SHISA9: variants seen among roughly 807,000 people sequenced by gnomAD.
SHISA9 encodes the protein shisa family member 9, also known as protein shisa-9.
Under a neutral mutation model 38.0 loss-of-function variants are expected in SHISA9, and 13 were observed. The observed-to-expected ratio is 0.34, with a 90% CI of 0.22 to 0.54. The LOEUF (loss-of-function observed/expected upper bound fraction) is 0.54. Ranked by LOEUF, SHISA9 falls within the 20% of genes least tolerant of loss-of-function variation. The probability of loss-of-function intolerance (pLI) is 0.91; values close to 1 mark genes in which losing one functional copy is unlikely to be tolerated. For synonymous variants in SHISA9, 275 were observed against 242.0 expected, an observed-to-expected ratio of 1.14 and a Z score of -1.27; for missense variants, 538 against 575.8, an observed-to-expected ratio of 0.93 and a Z score of 0.67.
chr16:13,178,916 T>C (rs945256070), intron 2 of SHISA9, among the ~76,000 whole-genome samples: 11 of 152,288 alleles, frequency 7.2e-5, no homozygotes, highest in Middle Eastern at 3.4e-3. Context: ...TAGAAAAGCC[T>C]GATGTTAAAT....
chr16:13,077,956 A>G lies in SHISA9; in HGVS notation c.692-125438A>G, dbSNP rs117778244. On this transcript the variant is annotated intron_variant, in intron 2 of 4. Coordinates refer to ENST00000558583, the MANE Select transcript of SHISA9 (RefSeq NM_001145204.3). ...AATGATGAAAAAAATATGGCAAACA[A>G]GTAAAAAGAAGGCAAGGAGGACAAA... 6.1e-3 allele frequency among the ~76,000 whole-genome samples: 923 copies of G among 152,330 alleles called. 8 individuals carry two copies. Among genetic ancestry groups the G allele is most frequent in the Non-Finnish European group, 6.2e-3 (423 of 68,026 alleles).
chr16:13,367,684 ACACGCGTGTGCGTGCGCGCGCGCGCGCG>A, the SHISA9 span, among the ~76,000 whole-genome samples: 3 of 140,492 alleles, frequency 2.1e-5, no homozygotes, highest in African/African-American at 7.9e-5. Flanking sequence ...CCTGAAGTGT[ACACGCGTGTGCGTGCGCGCGCGCGCGCG>A]CACACACACA....
the SHISA9 span, among the ~76,000 whole-genome samples, chr16:13,344,216 T>G: frequency 6.6e-6 from 1 of 152,202 alleles, no homozygotes; most frequent in African/African-American, 2.4e-5. Flanking sequence ...AAAGCTTTTC[T>G]TACTCACTGA....
the SHISA9 span, among the ~76,000 whole-genome samples, chr16:13,378,375 T>C: frequency 3.3e-5 from 5 of 152,190 alleles, no homozygotes; most frequent in African/African-American, 9.6e-5. Context: ...TGACTGTACA[T>C]TCCAAGCAGC....
At position 13,203,465 on chromosome 16, in the gene SHISA9, C is replaced by G. The variant is rs2051026257; in HGVS notation, c.763C>G (p.Pro255Ala). 6.4e-7 allele frequency: 1 copy of G among 1,551,424 alleles called. No individual in the cohort carries two copies. The highest frequency in any genetic ancestry group is 8.7e-7 in the Non-Finnish European group (1 of 1,146,758). The stretch of plus-strand genomic sequence containing the variant: ...GCAGATGGGCCATCCACATTCGTAC[C>G]CGAACCTGGGCCAGATCTCCAACCC... ...LQQMGHPHSY[P>A]NLGQISNPYE... The change falls in exon 3 of 5, where the codon CCG becomes GCG. Residue 255 changes from proline to alanine, a missense_variant. Physicochemically the swap from Pro to Ala is conservative, Grantham distance 27. Around this residue, in one of 4 missense-constraint regions of SHISA9, gnomAD observed 326 missense variants for 305.9 expected, o/e 1.07. Transcript: ENST00000558583.
chr16:13,185,938 G>T (rs67027573), intron 2 of SHISA9, among the ~76,000 whole-genome samples: 21,623 of 152,136 alleles, frequency 0.14, 1,794 homozygotes, highest in African/African-American at 0.21. Context: ...AACGAGATAG[G>T]ATCTAACATT....
the SHISA9 span, among the ~76,000 whole-genome samples, chr16:13,426,754 C>G: frequency 2.6e-5 from 4 of 152,180 alleles, no homozygotes; most frequent in Non-Finnish European, 5.9e-5. Context: ...AATTGAATGG[C>G]TGTACATAAA....
At chr16:13,349,885 T>C in the SHISA9 span, among the ~76,000 whole-genome samples, 1 of 152,194 alleles carries the variant, frequency 6.6e-6, no homozygotes, top group Non-Finnish European at 1.5e-5. Context: ...CCAAGGTCTT[T>C]AGAAGATATG....
intron 2 of SHISA9, among the ~76,000 whole-genome samples, chr16:12,955,190 A>G (rs2141782009): frequency 6.6e-6 from 1 of 152,240 alleles, no homozygotes; most frequent in Middle Eastern, 3.4e-3. Context: ...GGCTCTAGAC[A>G]ATGGGCATGT....
the SHISA9 span, among the ~76,000 whole-genome samples, chr16:13,250,879 T>G: frequency 6.6e-6 from 1 of 152,114 alleles, no homozygotes; most frequent in Non-Finnish European, 1.5e-5. Context: ...CCACCATGAT[T>G]CAGATGCTCT....
the SHISA9 span, among the ~76,000 whole-genome samples, chr16:13,507,738 C>T: frequency 7.9e-5 from 12 of 152,130 alleles, no homozygotes; most frequent in African/African-American, 2.9e-4. Flanking sequence ...TGATTCAGGT[C>T]GGGCATGTCT....
At chr16:12,920,654 C>T (rs1281904610) in intron 2 of SHISA9, among the ~76,000 whole-genome samples, 1 of 152,142 alleles carries the variant, frequency 6.6e-6, no homozygotes, top group African/African-American at 2.4e-5. Context: ...CATAAAACAA[C>T]AACAACAACA....
the SHISA9 span, among the ~76,000 whole-genome samples, chr16:13,351,996 G>A: frequency 8.8e-3 from 1,345 of 152,270 alleles, 20 homozygotes; most frequent in African/African-American, 0.031. Context: ...GCTCCTGCCC[G>A]AATAGAATGG....
chr16:13,483,532 C>T, the SHISA9 span, among the ~76,000 whole-genome samples: 2 of 152,136 alleles, frequency 1.3e-5, no homozygotes, highest in Admixed American at 6.5e-5. Context: ...TGGCTCATAG[C>T]TTCCATAGCC....
At chr16:13,467,404 A>C in the SHISA9 span, among the ~76,000 whole-genome samples, 3 of 152,124 alleles carry the variant, frequency 2.0e-5, no homozygotes, top group African/African-American at 7.2e-5. Flanking sequence ...TGAGCCTGGC[A>C]CTAGCCACCT....
At chr16:13,273,715 C>A in the SHISA9 span, among the ~76,000 whole-genome samples, 21 of 152,224 alleles carry the variant, frequency 1.4e-4, no homozygotes, top group African/African-American at 4.3e-4. Flanking sequence ...GCCTATTGCA[C>A]AGGAAAATTA....
At position 13,030,289 on chromosome 16, in the gene SHISA9, G is replaced by A. The variant is rs564566817; in HGVS notation, c.691+113474G>A. On this transcript the variant is annotated intron_variant, in intron 2 of 4. Transcript: ENST00000558583. The stretch of plus-strand genomic sequence containing the variant: ...TGACATGCTGCTCTCCTGTAGGTGA[G>A]GTGAAGTGCTTCTAGAAGTGCTGGA... 9.4e-4 allele frequency among the ~76,000 whole-genome samples: 143 copies of A among 152,230 alleles called. 1 individual carries two copies. In the Middle Eastern group the frequency reaches 0.024, roughly 25 times the overall value.
At chr16:13,089,134 C>T (rs1378571629) in intron 2 of SHISA9, among the ~76,000 whole-genome samples, 1 of 152,170 alleles carries the variant, frequency 6.6e-6, no homozygotes, top group Admixed American at 6.5e-5. Flanking sequence ...TGTGTTGAAC[C>T]AGCCTTGTAT....
At chr16:13,315,248 A>G in the SHISA9 span, among the ~76,000 whole-genome samples, 2 of 152,180 alleles carry the variant, frequency 1.3e-5, no homozygotes, top group African/African-American at 2.4e-5. Flanking sequence ...ATTTCTCTGA[A>G]CCTACCTCCC....
Sources: allele counts gnomAD v4.1 joint callset (sites outside exome capture counted in the v4.1 genomes callset), GRCh38; gene constraint gnomAD v4.1.1; regional missense constraint gnomAD v4.1.1; transcripts MANE v1.5; gene names NCBI Gene and HGNC (gene_info 2026-07-23, HGNC 2026-07-21).